Variants in COL4A2 observed in about 807,000 individuals in gnomAD.
COL4A2 encodes the protein collagen alpha-2(IV) chain.
A neutral mutation model predicts 200.2 loss-of-function variants in COL4A2; 99 were observed. The ratio of observed to expected loss-of-function variants is 0.49; its 90% CI spans 0.42 to 0.58. The LOEUF is 0.58. Ranked by LOEUF, COL4A2 falls within the 20% of genes least tolerant of loss-of-function variation. The probability of loss-of-function intolerance (pLI) is 0.00; values close to 1 mark genes in which losing one functional copy is unlikely to be tolerated. For synonymous variants in COL4A2, 897 were observed against 900.6 expected (o/e 1.00, Z 0.07); for missense variants, 1,950 against 2,314.1 (o/e 0.84, Z 3.23).
chr13:110,324,758 C>T (rs1885362779), intron 3 of COL4A2, among the ~76,000 whole-genome samples: 1 of 152,212 alleles, frequency 6.6e-6, no homozygotes, highest in African/African-American at 2.4e-5. Flanking sequence ...TGAGTGGTTG[C>T]TTTCTAGCAA....
At chr13:110,447,192 T>C (rs1034446649) in intron 18 of COL4A2, among the ~76,000 whole-genome samples, 2 of 152,194 alleles carry the variant, frequency 1.3e-5, no homozygotes, top group African/African-American at 4.8e-5. Context: ...CCGTCTGGAC[T>C]ATCGCTGAAG....
At chr13:110,348,916 A>C (rs922262487) in intron 3 of COL4A2, among the ~76,000 whole-genome samples, 2 of 152,208 alleles carry the variant, frequency 1.3e-5, no homozygotes, top group African/African-American at 4.8e-5. Context: ...GAACATGTAG[A>C]GGACAAAATA....
intron 21 of COL4A2, chr13:110,457,723 G>T (rs1401473667): frequency 3.5e-6 from 2 of 574,636 alleles, no homozygotes. Flanking sequence ...TCCTGTGCTG[G>T]GTTAAAAGGG....
At chr13:110,379,856 G>C (rs1427534810) in intron 4 of COL4A2, among the ~76,000 whole-genome samples, 1 of 152,138 alleles carries the variant, frequency 6.6e-6, no homozygotes, top group African/African-American at 2.4e-5. Context: ...AGGTGCAGCT[G>C]AGCTTCCTGG....
chr13:110,326,889 G>A (rs189657053), intron 3 of COL4A2, among the ~76,000 whole-genome samples: 12 of 152,324 alleles, frequency 7.9e-5, no homozygotes, highest in East Asian at 3.9e-4. Context: ...GCAGTCACCC[G>A]CCCGCTCAAG....
intron 4 of COL4A2, among the ~76,000 whole-genome samples, chr13:110,365,097 G>A (rs901480176): frequency 1.3e-5 from 2 of 151,916 alleles, no homozygotes; most frequent in African/African-American, 4.8e-5. Flanking sequence ...ATAATCCACT[G>A]CCTGTGTTAG....
At chr13:110,440,426 T>C (rs1881075046) in intron 16 of COL4A2, among the ~76,000 whole-genome samples, 1 of 152,012 alleles carries the variant, frequency 6.6e-6, no homozygotes, top group Non-Finnish European at 1.5e-5. Context: ...GGTGAAACCC[T>C]GTCTCTACTA....
intron 28 of COL4A2, among the ~76,000 whole-genome samples, chr13:110,472,487 T>TA (rs1882518080): frequency 6.6e-6 from 1 of 152,140 alleles, no homozygotes; most frequent in Non-Finnish European, 1.5e-5. Context: ...AGGGAGATGT[T>TA]ACGGCAGGCA....
chr13:110,322,552 G>A (rs553198085), intron 3 of COL4A2, among the ~76,000 whole-genome samples: 3 of 152,314 alleles, frequency 2.0e-5, no homozygotes, highest in African/African-American at 4.8e-5. Context: ...AGACATATGG[G>A]GAACCCCGGG....
At chr13:110,311,232 C>T (rs536324179) in intron 3 of COL4A2, among the ~76,000 whole-genome samples, 5 of 152,328 alleles carry the variant, frequency 3.3e-5, no homozygotes, top group African/African-American at 1.2e-4. Context: ...CGAAATCCCA[C>T]GGGGCAGCCT....
In COL4A2 at chr13:110,474,922, A is replaced by C. The variant is rs181525802; in HGVS notation, c.2425+1772A>C. On this transcript the variant is annotated intron_variant, in intron 29 of 47. Coordinates refer to ENST00000360467, the MANE Select transcript of COL4A2 (RefSeq NM_001846.4). ...TGCACACTCACGATCACACACATGC[A>C]CATACCCACACACGTGCCTGTGCAC... 6.9e-5 allele frequency among the ~76,000 whole-genome samples: 5 copies of C among 72,282 alleles called. 1 individual carries two copies. The East Asian group carries it at 1.7e-3, about 25-fold the overall frequency. 47.4% of individuals were successfully genotyped at this position (72,282 alleles called of 152,430 possible). A position where few individuals can be genotyped will look rare whatever the true frequency, so the allele number is the denominator to read the frequency against.
intron 3 of COL4A2, among the ~76,000 whole-genome samples, chr13:110,317,699 C>T (rs1222597657): frequency 6.6e-6 from 1 of 152,214 alleles, no homozygotes; most frequent in Non-Finnish European, 1.5e-5. Context: ...AACCCCCAAC[C>T]GGCCCTCTCC....
intron 3 of COL4A2, among the ~76,000 whole-genome samples, chr13:110,338,905 C>A (rs1876329032): frequency 6.6e-6 from 1 of 152,176 alleles, no homozygotes; most frequent in African/African-American, 2.4e-5. Flanking sequence ...GTTTTGTTTT[C>A]TTAAGTATCT....
At chr13:110,501,895 T>A in intron 41 of COL4A2, 111 bp downstream of exon 41, 1 of 1,102,366 alleles carries the variant, frequency 9.1e-7, no homozygotes, top group Non-Finnish European at 1.3e-6. Flanking sequence ...GTGCCCAGAC[T>A]CCGGTCAAAG....
At chr13:110,339,483 C>T (rs1253118977) in intron 3 of COL4A2, among the ~76,000 whole-genome samples, 1 of 152,312 alleles carries the variant, frequency 6.6e-6, no homozygotes, top group Non-Finnish European at 1.5e-5. Context: ...AACGAGTTTA[C>T]TGCCTCCGAC....
intron 4 of COL4A2, among the ~76,000 whole-genome samples, chr13:110,414,310 A>G (rs1879958068): frequency 6.6e-6 from 1 of 152,218 alleles, no homozygotes; most frequent in East Asian, 1.9e-4. Context: ...TCTCACATGA[A>G]AAAATTAAAA....
At chr13:110,355,454 G>GT (rs1453258815) in intron 3 of COL4A2, among the ~76,000 whole-genome samples, 1 of 123,010 alleles carries the variant, frequency 8.1e-6, no homozygotes. Flanking sequence ...GTGTGTGTGG[G>GT]GGAGGGCTGC....
At chr13:110,351,413 C>T (rs1288080416) in intron 3 of COL4A2, among the ~76,000 whole-genome samples, 2 of 152,148 alleles carry the variant, frequency 1.3e-5, no homozygotes, top group African/African-American at 4.8e-5. Context: ...CTTTCTCTAC[C>T]CTGCTCCTCC....
chr13:110,417,814 A>G (rs9515208), intron 4 of COL4A2, among the ~76,000 whole-genome samples: 148,334 of 152,162 alleles, frequency 0.97, 72,409 homozygotes, highest in East Asian at 1. Flanking sequence ...TTTTATTGCC[A>G]AATAGCAATC....
Sources: gnomAD v4.1 joint callset for allele counts (sites outside exome capture counted in the v4.1 genomes callset) on GRCh38, gnomAD v4.1.1 for gene constraint, MANE v1.5 for transcripts, NCBI Gene and HGNC (gene_info 2026-07-23, HGNC 2026-07-21) for gene names.